The following SLC6A16 variants were observed in gnomAD, a reference collection of about 807,000 sequenced individuals.
SLC6A16 encodes solute carrier family 6 member 16, also known as orphan sodium- and chloride-dependent neurotransmitter transporter NTT5.
In SLC6A16, 54 loss-of-function variants were observed where a neutral mutation model predicts 65.4. The ratio of observed to expected loss-of-function variants is 0.83; its 90% confidence interval spans 0.66 to 1.04. The LOEUF (loss-of-function observed/expected upper bound fraction) is 1.04, where lower values mean the gene tolerates loss of function less well. Among genes scored for constraint, SLC6A16 ranks in the 50% least tolerant of loss-of-function variants. SLC6A16 has a pLI of 0.00. For missense variants in SLC6A16, 816 were observed against 914.0 expected (o/e 0.89, Z 1.38); for synonymous variants, 330 against 346.5 (o/e 0.95, Z 0.53).
At position 49,294,519 on chromosome 19, in the gene SLC6A16, C is replaced by G. The variant is rs1474734452; in HGVS notation, c.1264G>C (p.Gly422Arg). The change falls in exon 8 of 12, where the codon GGG (glycine) becomes CGG (arginine). Residue 422 changes from glycine (G) to arginine (R), a missense_variant. Coordinates refer to ENST00000335875, the MANE Select transcript of SLC6A16 (RefSeq NM_014037.3). Reference sequence around the variant, plus strand: ...GGCTTGGCATCAGGAGGCAGTTTCCCTAGGTTTATCAGCTTTAAAAGTATT... The same window carrying G: ...GGCTTGGCATCAGGAGGCAGTTTCCGTAGGTTTATCAGCTTTAAAAGTATT... The part of the protein sequence containing the change: ...AEILLKLINL[G>R]KLPPDAKPPV... 6.2e-7 allele frequency: 1 copy of G among 1,612,854 alleles called. No homozygotes were observed. The highest frequency in any genetic ancestry group is 1.7e-4 in the Middle Eastern group (1 of 6,048).
rs1412559491 is a variant in SLC6A16 at position 49,308,925 on chromosome 19, A to G, written c.1180T>C (p.Cys394Arg). Residue 394 changes from cysteine to arginine, a missense_variant, in exon 7 of 12, where the codon TGT (cysteine) becomes CGT (arginine). Transcript: ENST00000335875. Reference sequence around the variant, plus strand: ...ACTGTCGCCCAGAAGCCCAGGACACAGAAGTTGAAAGATGTGAAAACCAAC... The same window carrying G: ...ACTGTCGCCCAGAAGCCCAGGACACGGAAGTTGAAAGATGTGAAAACCAAC... ...TLLVFTSFNF[C>R]VLGFWATVIT... is the part of the protein sequence containing the mutation. 6.2e-7 allele frequency: 1 copy of G among 1,614,122 alleles called. No individual in the cohort carries two copies. Among genetic ancestry groups the G allele is most frequent in the Non-Finnish European group, 8.5e-7 (1 of 1,180,056 alleles).
chr19:49,299,596 T>A (rs1600617791), intron 7 of SLC6A16, among the ~76,000 whole-genome samples: 1 of 135,818 alleles, frequency 7.4e-6, no homozygotes, highest in African/African-American at 2.9e-5. Flanking sequence ...ATCTTCAATG[T>A]GCTAGGAAAA....
chr19:49,296,237 T>A (rs1308893449), intron 7 of SLC6A16, among the ~76,000 whole-genome samples: 2 of 152,208 alleles, frequency 1.3e-5, no homozygotes, highest in Non-Finnish European at 2.9e-5. Context: ...TCTGCCCGCC[T>A]CAGCCTCCCA....
chr19:49,297,258 A>G (rs354008), intron 7 of SLC6A16, among the ~76,000 whole-genome samples: 151,819 of 152,328 alleles, frequency 1, 75,658 homozygotes, highest in Middle Eastern at 1. Context: ...TTTAAAATGG[A>G]CAGTAGACTT....
At chr19:49,339,573 G>A in the SLC6A16 span, 1 of 1,455,898 alleles carries the variant, frequency 6.9e-7, no homozygotes, top group South Asian at 1.4e-5. This position sits in a 1 kb window ranked among gnomAD's most constrained non-coding sequence, Gnocchi z 4.5. Flanking sequence ...GGGTGGGGGC[G>A]GCCCAGCTTC....
the SLC6A16 span, among the ~76,000 whole-genome samples, chr19:49,334,977 G>T: frequency 6.6e-6 from 1 of 151,854 alleles, no homozygotes; most frequent in Admixed American, 6.6e-5. Flanking sequence ...AGGAGGGAGA[G>T]ACTCTGCTGA....
chr19:49,335,654 C>A, the SLC6A16 span: 1 of 1,609,782 alleles, frequency 6.2e-7, no homozygotes. The surrounding 1 kb of genome is among the most constrained non-coding windows in gnomAD (Gnocchi z 4.6). Context: ...GCCCCTGCCG[C>A]TAACCCAGCC....
chr19:49,337,139 C>T, the SLC6A16 span: 1 of 1,614,178 alleles, frequency 6.2e-7, no homozygotes, highest in Non-Finnish European at 8.5e-7. Context: ...CTCCACTCTG[C>T]TCCCCAGTAT....
At chr19:49,330,104 C>T (rs1380334915), upstream of SLC6A16, among the ~76,000 whole-genome samples, 1 of 143,654 alleles carries the variant, frequency 7.0e-6, no homozygotes, top group African/African-American at 2.5e-5. Context: ...TGTGACAGAG[C>T]AAGACCTCAA....
intron 1 of SLC6A16, among the ~76,000 whole-genome samples, chr19:49,315,381 G>A (rs1970598025): frequency 6.6e-6 from 1 of 152,166 alleles, no homozygotes; most frequent in Admixed American, 6.5e-5. Flanking sequence ...GGATTTATTG[G>A]AGTTATTGGT....
intron 7 of SLC6A16, among the ~76,000 whole-genome samples, chr19:49,307,968 C>T (rs901733679): frequency 1.3e-5 from 2 of 150,280 alleles, no homozygotes; most frequent in Non-Finnish European, 3.0e-5. Flanking sequence ...GTCTGATTCA[C>T]CTGTCCAAGT....
At chr19:49,339,662 C>T in the SLC6A16 span, 2 of 1,428,558 alleles carry the variant, frequency 1.4e-6, no homozygotes, top group South Asian at 1.5e-5. The surrounding 1 kb of genome is among the most constrained non-coding windows in gnomAD (Gnocchi z 4.5). Flanking sequence ...CCGCAGATGA[C>T]TGTCATGGTG....
chr19:49,335,838 C>A, the SLC6A16 span: 1 of 1,456,534 alleles, frequency 6.9e-7, no homozygotes, highest in Non-Finnish European at 9.6e-7. The surrounding 1 kb of genome is among the most constrained non-coding windows in gnomAD (Gnocchi z 4.6). Context: ...AAGCAACTTC[C>A]TGGGGTCTCC....
At chr19:49,339,179 G>A in the SLC6A16 span, 3 of 747,698 alleles carry the variant, frequency 4.0e-6, no homozygotes, top group South Asian at 3.3e-5. This position sits in a 1 kb window ranked among gnomAD's most constrained non-coding sequence, Gnocchi z 4.5. Flanking sequence ...AAGGTGAAGC[G>A]AGGGTGCACT....
the SLC6A16 span, chr19:49,339,027 C>A: frequency 2.9e-6 from 3 of 1,025,332 alleles, no homozygotes; most frequent in Admixed American, 1.9e-5. This position sits in a 1 kb window ranked among gnomAD's most constrained non-coding sequence, Gnocchi z 4.5. Flanking sequence ...TGAGAAAGGG[C>A]GGGGTCTACG....
the SLC6A16 span, chr19:49,335,704 C>G: frequency 5.1e-5 from 83 of 1,613,960 alleles, 1 homozygote; most frequent in South Asian, 7.8e-4. The surrounding 1 kb of genome is among the most constrained non-coding windows in gnomAD (Gnocchi z 4.6). Context: ...TCCGCATCTC[C>G]TCTCCCCAGG....
the SLC6A16 span, chr19:49,336,110 G>A: frequency 2.0e-5 from 8 of 397,930 alleles, no homozygotes; most frequent in Admixed American, 2.4e-4. Context: ...CAGCAAGGAC[G>A]TAAAAGAGCC....
At chr19:49,331,188 C>CA in the SLC6A16 span, among the ~76,000 whole-genome samples, 2 of 151,912 alleles carry the variant, frequency 1.3e-5, no homozygotes, top group East Asian at 3.9e-4. Context: ...TGGTGTTCCA[C>CA]TTTTTTTTCC....
chr19:49,317,617 T>C (rs1409258099), intron 1 of SLC6A16, among the ~76,000 whole-genome samples: 3 of 151,414 alleles, frequency 2.0e-5, no homozygotes, highest in African/African-American at 7.3e-5. Context: ...CCATCCTGGC[T>C]AACATGGTGA....
Sources: allele counts gnomAD v4.1 joint callset (sites outside exome capture counted in the v4.1 genomes callset), GRCh38; gene constraint gnomAD v4.1.1; non-coding constraint Gnocchi (gnomAD v3.1); transcripts MANE v1.5; gene names NCBI Gene and HGNC (gene_info 2026-07-23, HGNC 2026-07-21).